The following GYG1 variants were observed in gnomAD, a reference collection of about 807,000 sequenced individuals.
The protein encoded by GYG1 is glycogenin 1.
GYG1 carries 44 observed loss-of-function variants against 41.9 expected under a neutral mutation model. That is an observed-to-expected ratio of 1.05 (90% CI 0.83 to 1.35). The LOEUF is 1.35. GYG1 is among the 40% of genes most tolerant of loss of function. The pLI is 0.00. For missense variants in GYG1, 429 were observed against 418.9 expected (o/e 1.02, Z -0.21); for synonymous variants, 141 against 158.1 (o/e 0.89, Z 0.81).
Position 149,030,947 on chromosome 3 carries a change from CTT to C in GYG1, c.*4015_*4016del, listed in dbSNP as rs1317098926. 6.6e-6 allele frequency: 1 copy of C among 152,192 alleles called. No individual in the cohort carries two copies. The highest frequency in any genetic ancestry group is 2.4e-5 in the African/African-American group (1 of 41,452). 9.4% of individuals were successfully genotyped at this position (152,192 alleles called of 1,614,324 possible). A position where few individuals can be genotyped will look rare whatever the true frequency, so the allele number is the denominator to read the frequency against. On this transcript the variant is annotated 3_prime_UTR_variant, in exon 8 of 8. Coordinates refer to ENST00000345003, the MANE Select transcript of GYG1 (RefSeq NM_004130.4). ...TTTCTATCAAATGACTTCCAACACT[CTT>C]AAGTCTCAGGTATTCTTAAATCTGT...
At chr3:149,020,386 T>C (rs574787468) in intron 5 of GYG1, among the ~76,000 whole-genome samples, 2 of 152,316 alleles carry the variant, frequency 1.3e-5, no homozygotes, top group East Asian at 1.9e-4. Flanking sequence ...TCTGGGAATG[T>C]CTTACAATAG....
rs16861285 is a variant in GYG1 at position 149,016,798 on chromosome 3, G to A, written c.609-7255G>A. Among the ~76,000 whole-genome samples the A allele has an allele frequency of 1.6e-4, 25 of 152,288 alleles. No homozygotes were observed. In the East Asian group the frequency reaches 3.1e-3, roughly 19 times the overall value. On this transcript the variant is annotated intron_variant, in intron 5 of 7. Coordinates refer to ENST00000345003, the MANE Select transcript of GYG1 (RefSeq NM_004130.4). Reference sequence around the variant, plus strand: ...GACTCCTAACTTAGATTGTGAGTGCGTGAGAGAGGAGAGGTGTGCAGTTGG... The same window carrying A: ...GACTCCTAACTTAGATTGTGAGTGCATGAGAGAGGAGAGGTGTGCAGTTGG...
chr3:149,014,218 G>A (rs774171823), intron 5 of GYG1, among the ~76,000 whole-genome samples: 8 of 152,066 alleles, frequency 5.3e-5, no homozygotes, highest in African/African-American at 1.4e-4. Flanking sequence ...TGGCTATCTG[G>A]TCATTCTGAC....
At chr3:149,008,555 G>A (rs1168713347) in intron 4 of GYG1, among the ~76,000 whole-genome samples, 1 of 152,204 alleles carries the variant, frequency 6.6e-6, no homozygotes, top group Non-Finnish European at 1.5e-5. Context: ...CCTTGTGGAA[G>A]CCTTCCTTCG....
chr3:149,006,080 C>CTT (rs34268321), intron 4 of GYG1, among the ~76,000 whole-genome samples: 2,784 of 117,154 alleles, frequency 0.024, 134 homozygotes, highest in African/African-American at 0.053. Context: ...TCATCATATT[C>CTT]TTTTTTTTTT....
intron 4 of GYG1, among the ~76,000 whole-genome samples, chr3:149,005,371 T>G (rs981069346): frequency 2.0e-5 from 3 of 152,232 alleles, no homozygotes; most frequent in Non-Finnish European, 4.4e-5. Flanking sequence ...ACTATTATTT[T>G]ATTTACTTTC....
At chr3:148,994,044 A>G (rs780545596) in intron 1 of GYG1, 98 bp from the exon 2 acceptor site, 2 of 1,033,982 alleles carry the variant, frequency 1.9e-6, no homozygotes, top group East Asian at 5.0e-5. Flanking sequence ...TGTTAGAGGA[A>G]CTGGTTTTGC....
At chr3:149,001,651 C>CT (rs1280009251) in intron 4 of GYG1, 1 of 152,196 alleles carries the variant, frequency 6.6e-6, no homozygotes, top group African/African-American at 2.4e-5. Flanking sequence ...TGCTATCTAG[C>CT]TAGCACTGGG....
In GYG1 at chr3:148,996,723, C is replaced by T. The variant is rs144099043; in HGVS notation, c.319-19C>T. On this transcript the variant is annotated intron_variant, in intron 3 of 7. Transcript: ENST00000345003. Reference sequence around the variant, plus strand: ...GCAGCAAAAACATTTCTGTAATGCTCTTTCTCCCCTTTGATCAGGTCCTAG... The same window carrying T: ...GCAGCAAAAACATTTCTGTAATGCTTTTTCTCCCCTTTGATCAGGTCCTAG... 32 of 1,609,774 alleles carry T rather than the reference C, an allele frequency of 2.0e-5. No homozygotes were observed. In the African/African-American group the frequency reaches 3.2e-4, roughly 16 times the overall value.
intron 4 of GYG1, among the ~76,000 whole-genome samples, chr3:149,008,707 A>T (rs1713548819): frequency 6.6e-6 from 1 of 152,248 alleles, no homozygotes; most frequent in Admixed American, 6.5e-5. Context: ...TTGTGAAGAC[A>T]GTGACCATAT....
intron 5 of GYG1, among the ~76,000 whole-genome samples, chr3:149,016,281 A>C (rs925831888): frequency 1.3e-5 from 2 of 150,780 alleles, no homozygotes; most frequent in Admixed American, 6.6e-5. Context: ...AAAAAACAAA[A>C]AAGAAAAAAA....
intron 5 of GYG1, among the ~76,000 whole-genome samples, chr3:149,010,940 A>C (rs1036326615): frequency 6.6e-6 from 1 of 152,270 alleles, no homozygotes; most frequent in East Asian, 1.9e-4. Flanking sequence ...CACGGTAATA[A>C]GCATGTCTGG....
chr3:149,006,026 A>G (rs919178336), intron 4 of GYG1, among the ~76,000 whole-genome samples: 1 of 150,766 alleles, frequency 6.6e-6, no homozygotes, highest in Non-Finnish European at 1.5e-5. Context: ...TGGTGTGACT[A>G]CCACCATAGT....
chr3:149,015,777 G>A (rs1411843503), intron 5 of GYG1, among the ~76,000 whole-genome samples: 1 of 152,172 alleles, frequency 6.6e-6, no homozygotes, highest in East Asian at 1.9e-4. Flanking sequence ...GGATGGGAAT[G>A]TAGGTTCGAG....
rs892301901 is a variant in GYG1 at position 149,028,119 on chromosome 3, G to A, written c.*1186G>A. On this transcript the variant is annotated 3_prime_UTR_variant, in exon 8 of 8. Coordinates refer to ENST00000345003, the MANE Select transcript of GYG1 (RefSeq NM_004130.4). ...AATGAGTGGTCAGAAATGATTCTAT[G>A]GAAGAAAACAGGACAGTTAACCATG... Among the ~76,000 whole-genome samples, 8 of 152,184 alleles carry A rather than the reference G, an allele frequency of 5.3e-5. No homozygotes were observed. Among genetic ancestry groups the A allele is most frequent in the Admixed American group, 2.0e-4 (3 of 15,272 alleles).
At chr3:149,026,638 C>T (rs1714666924) in intron 7 of GYG1, 122 bp from the exon 8 acceptor site, 1 of 995,686 alleles carries the variant, frequency 1.0e-6, no homozygotes, top group Admixed American at 1.8e-5. Flanking sequence ...TCATGTAATA[C>T]TTTTCAGTTT....
chr3:149,005,466 G>A (rs7643857), intron 4 of GYG1, among the ~76,000 whole-genome samples: 4,267 of 152,262 alleles, frequency 0.028, 216 homozygotes, highest in African/African-American at 0.098. Context: ...GTGTACTGAA[G>A]TTGTCTTTAT....
At chr3:148,996,606 C>A in intron 3 of GYG1, 130 bp downstream of exon 3, 1 of 1,197,928 alleles carries the variant, frequency 8.3e-7, no homozygotes, top group Non-Finnish European at 1.2e-6. Flanking sequence ...TGAAATATGT[C>A]AGGGGATGAA....
At chr3:148,994,378 G>C in intron 2 of GYG1, 101 bp downstream of exon 2, 1 of 1,267,494 alleles carries the variant, frequency 7.9e-7, no homozygotes, top group South Asian at 1.2e-5. Flanking sequence ...TTCAGGAATT[G>C]AGCACCGGGT....
Sources: allele counts gnomAD v4.1 joint callset (sites outside exome capture counted in the v4.1 genomes callset), GRCh38; gene constraint gnomAD v4.1.1; transcripts MANE v1.5; gene names NCBI Gene and HGNC (gene_info 2026-07-23, HGNC 2026-07-21).